ARID1B: variants seen among roughly 807,000 people sequenced by gnomAD.
ARID1B encodes AT-rich interactive domain-containing protein 1B.
Under a neutral mutation model 212.3 loss-of-function variants are expected in ARID1B, and 30 were observed. That is an observed-to-expected ratio of 0.14 (90% CI 0.11 to 0.19). The LOEUF is 0.19. Among genes scored for constraint, ARID1B ranks in the 10% least tolerant of loss-of-function variants. ARID1B has a pLI of 1.00. For missense variants in ARID1B, 2,891 were observed against 3,204.0 expected (o/e 0.90, Z 2.36); for synonymous variants, 1,402 against 1,301.7 (o/e 1.08, Z -1.66).
At chr6:156,891,219 T>G (rs901477068) in intron 2 of ARID1B, among the ~76,000 whole-genome samples, 24 of 152,358 alleles carry the variant, frequency 1.6e-4, no homozygotes, top group African/African-American at 5.5e-4. Context: ...AAATGGTGTT[T>G]GATCTTCCTG....
At chr6:157,079,845 T>C (rs1199304533) in intron 4 of ARID1B, among the ~76,000 whole-genome samples, 1 of 152,060 alleles carries the variant, frequency 6.6e-6, no homozygotes, top group Non-Finnish European at 1.5e-5. Flanking sequence ...AGGGTGTAGT[T>C]GAAGAGAGAA....
At chr6:157,184,825 C>T in intron 13 of ARID1B, 1 of 230,894 alleles carries the variant, frequency 4.3e-6, no homozygotes, top group Non-Finnish European at 8.6e-6. Flanking sequence ...AAATGCCACC[C>T]TACAGGTTCG....
intron 4 of ARID1B, among the ~76,000 whole-genome samples, chr6:157,052,792 T>C (rs1782693528): frequency 6.6e-6 from 1 of 152,200 alleles, no homozygotes; most frequent in Non-Finnish European, 1.5e-5. Flanking sequence ...GAGTCTCGGC[T>C]CACTGCAACC....
rs17088174 is a variant in ARID1B at position 157,131,135 on chromosome 6, C to T, written c.2582-1893C>T. On this transcript the variant is annotated intron_variant, in intron 6 of 19. Transcript: ENST00000636930. ...ATCTACCCACCAAGCACCTATGTGT[C>T]GTACTCAGCACTCTGTTGGCCGCAT... Among the ~76,000 whole-genome samples the T allele has an allele frequency of 3.2e-3, 490 of 152,276 alleles. 2 individuals are homozygous for T. The highest frequency in any genetic ancestry group is 0.011 in the African/African-American group (442 of 41,554).
chr6:157,160,262 C>T (rs189461385), intron 8 of ARID1B, among the ~76,000 whole-genome samples: 3 of 152,298 alleles, frequency 2.0e-5, no homozygotes, highest in Admixed American at 6.5e-5. Context: ...AGAGGCCTGT[C>T]CAAAGCCAAA....
At chr6:156,945,255 TTTTTTTTTTTTTTG>T (rs1163373883) in intron 4 of ARID1B, among the ~76,000 whole-genome samples, 18 of 123,134 alleles carry the variant, frequency 1.5e-4, no homozygotes, top group East Asian at 5.5e-4. Flanking sequence ...TTTTTTTTTT[TTTTTTTTTTTTTTG>T]TGAGTGTTTA....
At chr6:157,001,202 C>T in intron 4 of ARID1B, among the ~76,000 whole-genome samples, 1 of 152,148 alleles carries the variant, frequency 6.6e-6, no homozygotes, top group East Asian at 1.9e-4. Flanking sequence ...ATGCTGTATT[C>T]TAGGTTCATT....
intron 4 of ARID1B, among the ~76,000 whole-genome samples, chr6:157,004,905 T>G (rs757532205): frequency 0.21 from 22,042 of 104,598 alleles, 2,749 homozygotes; most frequent in South Asian, 0.39. Context: ...TTCTTTTTTT[T>G]TTTTTTTTTT....
rs367625432 is a variant in ARID1B, at chr6:156,873,697, G to C, written c.1987-27679G>C. Among the ~76,000 whole-genome samples, 6 of 152,324 alleles carry C rather than the reference G, an allele frequency of 3.9e-5. No homozygotes were observed. The East Asian group carries it at 7.7e-4, about 20-fold the overall frequency. ...CTTTACTGCAGTACCTGTGTGCTTT[G>C]CAGATTCTCCTTCACTTACGTGGGT... On this transcript the variant is annotated intron_variant, in intron 2 of 19. Transcript: ENST00000636930.
chr6:156,888,015 C>T (rs1393928382), intron 2 of ARID1B, among the ~76,000 whole-genome samples: 1 of 152,180 alleles, frequency 6.6e-6, no homozygotes, highest in East Asian at 1.9e-4. Flanking sequence ...CCTGTCCCCA[C>T]CCCATAGTTA....
chr6:157,098,780 T>G (rs77735835), intron 5 of ARID1B, among the ~76,000 whole-genome samples: 2 of 152,016 alleles, frequency 1.3e-5, no homozygotes, highest in African/African-American at 2.4e-5. Context: ...CTGAGTGGAG[T>G]GGCAAGTGCA....
intron 2 of ARID1B, among the ~76,000 whole-genome samples, chr6:156,860,824 TCCC>T (rs540852417): frequency 2.4e-4 from 37 of 152,346 alleles, no homozygotes; most frequent in African/African-American, 8.7e-4. Flanking sequence ...TTCTTTTTTT[TCCC>T]CCTCTACTTC....
intron 4 of ARID1B, among the ~76,000 whole-genome samples, chr6:156,992,034 C>T (rs1778304114): frequency 6.6e-6 from 1 of 152,064 alleles, no homozygotes; most frequent in African/African-American, 2.4e-5. Flanking sequence ...TCTAAGTAAC[C>T]TTAGACATAG....
At position 156,826,356 on chromosome 6, in the gene ARID1B, C is replaced by T. The variant is rs148243832; in HGVS notation, c.1792-2871C>T. 2.9e-3 allele frequency among the ~76,000 whole-genome samples: 438 copies of T among 152,330 alleles called. 4 individuals carry two copies. The highest frequency in any genetic ancestry group is 0.01 in the African/African-American group (416 of 41,572). ...GTGAGACACCCTCTTCTCACCTTGC[C>T]TTGGTGCTTTGTCCCTTCAGGACAT... On this transcript the variant is annotated intron_variant, in intron 1 of 19. Coordinates refer to ENST00000636930, the MANE Select transcript of ARID1B (RefSeq NM_001374828.1).
At chr6:157,023,202 C>T (rs539676922) in intron 4 of ARID1B, 40 of 152,286 alleles carry the variant, frequency 2.6e-4, no homozygotes, top group Middle Eastern at 6.8e-3. Context: ...ATTCCATATC[C>T]TCTCCTCACT....
chr6:156,873,950 T>C (rs1407570063), intron 2 of ARID1B, among the ~76,000 whole-genome samples: 1 of 152,250 alleles, frequency 6.6e-6, no homozygotes, highest in African/African-American at 2.4e-5. Flanking sequence ...CTCCATCTGC[T>C]TTGCCCACAT....
intron 4 of ARID1B, among the ~76,000 whole-genome samples, chr6:157,043,707 G>T (rs1415306976): frequency 6.6e-6 from 1 of 152,110 alleles, no homozygotes; most frequent in Non-Finnish European, 1.5e-5. Flanking sequence ...TTTCCTTGCC[G>T]ATTCTCCTGT....
At chr6:157,022,043 G>A (rs933764676) in intron 4 of ARID1B, among the ~76,000 whole-genome samples, 3 of 152,214 alleles carry the variant, frequency 2.0e-5, no homozygotes, top group Admixed American at 6.5e-5. Flanking sequence ...ACCCGTTCGC[G>A]TAATTAAAAC....
At chr6:156,851,395 T>C (rs780822569) in intron 2 of ARID1B, among the ~76,000 whole-genome samples, 2 of 152,254 alleles carry the variant, frequency 1.3e-5, no homozygotes, top group African/African-American at 4.8e-5. Context: ...GAAATAACAA[T>C]GAAGAGTACG....
Sources: allele counts gnomAD v4.1 joint callset (sites outside exome capture counted in the v4.1 genomes callset), GRCh38; gene constraint gnomAD v4.1.1; transcripts MANE v1.5; gene names NCBI Gene and HGNC (gene_info 2026-07-23, HGNC 2026-07-21).